The following CADPS2 variants were observed in gnomAD, a reference collection of about 807,000 sequenced individuals.
CADPS2 encodes the protein calcium-dependent secretion activator 2.
A neutral mutation model predicts 172.5 loss-of-function variants in CADPS2; 93 were observed. The observed-to-expected ratio is 0.54, with a 90% CI of 0.46 to 0.64. CADPS2 has a LOEUF of 0.64. CADPS2 is among the 30% of genes least tolerant of loss of function. The pLI, the probability that CADPS2 is intolerant of heterozygous loss-of-function variation, is 0.00. For synonymous variants in CADPS2, 546 were observed against 555.2 expected (o/e 0.98, Z 0.23); for missense variants, 1,420 against 1,565.9 (o/e 0.91, Z 1.57).
At chr7:122,741,379 T>C (rs2092466651) in intron 1 of CADPS2, among the ~76,000 whole-genome samples, 1 of 152,134 alleles carries the variant, frequency 6.6e-6, no homozygotes, top group African/African-American at 2.4e-5. Context: ...TTTTCAACAT[T>C]AGCACTTTAT....
At chr7:122,491,723 C>T (rs114436152) in intron 9 of CADPS2, among the ~76,000 whole-genome samples, 1,717 of 152,184 alleles carry the variant, frequency 0.011, 37 homozygotes, top group African/African-American at 0.039. Context: ...CGTTTGGGAT[C>T]ATTAGCCTAT....
At chr7:122,829,509 T>C (rs1805870453) in intron 1 of CADPS2, among the ~76,000 whole-genome samples, 1 of 152,156 alleles carries the variant, frequency 6.6e-6, no homozygotes, top group South Asian at 2.1e-4. Context: ...CACACTCAAA[T>C]CAACTTTTAT....
intron 1 of CADPS2, among the ~76,000 whole-genome samples, chr7:122,848,891 T>C (rs1182955382): frequency 1.3e-5 from 2 of 149,556 alleles, no homozygotes. Flanking sequence ...AAAGCTATCT[T>C]TCTGAAGACT....
intron 2 of CADPS2, among the ~76,000 whole-genome samples, chr7:122,711,867 G>T (rs1432060577): frequency 2.0e-5 from 3 of 150,940 alleles, no homozygotes; most frequent in African/African-American, 7.3e-5. Flanking sequence ...TGGTCAGGCT[G>T]GTCTCGAACT....
At chr7:122,880,308 A>G (rs1391223459) in intron 1 of CADPS2, among the ~76,000 whole-genome samples, 1 of 152,044 alleles carries the variant, frequency 6.6e-6, no homozygotes, top group Non-Finnish European at 1.5e-5. Context: ...AATGAATAAA[A>G]GACAGTACTG....
At chr7:122,725,002 G>A (rs1281485240) in intron 2 of CADPS2, among the ~76,000 whole-genome samples, 1 of 151,990 alleles carries the variant, frequency 6.6e-6, no homozygotes, top group African/African-American at 2.4e-5. Flanking sequence ...GTGTTTCTAT[G>A]ACAACTCATT....
intron 1 of CADPS2, among the ~76,000 whole-genome samples, chr7:122,878,466 C>T (rs1395197417): frequency 6.6e-6 from 1 of 151,596 alleles, no homozygotes; most frequent in Non-Finnish European, 1.5e-5. Context: ...TGGTGAAACC[C>T]CGTCTCTACT....
intron 2 of CADPS2, among the ~76,000 whole-genome samples, chr7:122,700,370 G>C (rs1006990008): frequency 2.0e-5 from 3 of 152,068 alleles, no homozygotes; most frequent in Admixed American, 6.5e-5. Flanking sequence ...ACAAAAACTA[G>C]TATAAAAAGA....
intron 8 of CADPS2, among the ~76,000 whole-genome samples, chr7:122,530,835 C>G (rs1378121435): frequency 6.6e-6 from 1 of 152,082 alleles, no homozygotes; most frequent in Non-Finnish European, 1.5e-5. Flanking sequence ...CTCTTTTATA[C>G]GGAGGAGATG....
chr7:122,368,522 A>C (rs963264238), intron 25 of CADPS2, among the ~76,000 whole-genome samples: 2 of 152,114 alleles, frequency 1.3e-5, no homozygotes, highest in Non-Finnish European at 2.9e-5. Context: ...TGGACTGGTG[A>C]CTAGTCCTGC....
intron 1 of CADPS2, among the ~76,000 whole-genome samples, chr7:122,827,396 C>CTTTTGGG: frequency 2.0e-5 from 1 of 49,564 alleles, no homozygotes; most frequent in Non-Finnish European, 3.8e-5. Context: ...GTGGCTCACA[C>CTTTTGGG]ATGTAATCCC....
At chr7:122,845,217 G>A (rs1416398678) in intron 1 of CADPS2, among the ~76,000 whole-genome samples, 1 of 152,140 alleles carries the variant, frequency 6.6e-6, no homozygotes. Context: ...TCAGCAAATT[G>A]CCCCCACCCA....
At chr7:122,698,133 G>C in intron 2 of CADPS2, 1 of 1,613,818 alleles carries the variant, frequency 6.2e-7, no homozygotes, top group Non-Finnish European at 8.5e-7. Context: ...TAGGCTTATA[G>C]CGTTCAAAGC....
chr7:122,469,044 GC>G (rs1406758405), intron 14 of CADPS2, among the ~76,000 whole-genome samples: 1 of 152,144 alleles, frequency 6.6e-6, no homozygotes, highest in African/African-American at 2.4e-5. Context: ...GATAATATAT[GC>G]ATGAACATAT....
chr7:122,457,399 T>A (rs1214280815), intron 14 of CADPS2, among the ~76,000 whole-genome samples: 3 of 152,232 alleles, frequency 2.0e-5, no homozygotes, highest in Admixed American at 6.5e-5. Flanking sequence ...AATTTTGACA[T>A]GTTTAATATC....
chr7:122,701,507 G>A (rs1219285832), intron 2 of CADPS2, among the ~76,000 whole-genome samples: 1 of 152,038 alleles, frequency 6.6e-6, no homozygotes, highest in African/African-American at 2.4e-5. Context: ...GAGTTACTGG[G>A]TGCAGCACAC....
At position 122,655,913 on chromosome 7, in the gene CADPS2, G is replaced by A. The variant is rs114709786; in HGVS notation, c.786+7324C>T. On this transcript the variant is annotated intron_variant, in intron 3 of 29. Transcript: ENST00000449022. ...TTTAGTTCAGACATATAAAGAGCTT[G>A]GAAGTCATCACTCCCATCCTCAGAA... Among the ~76,000 whole-genome samples, 592 of 152,208 alleles carry A rather than the reference G, an allele frequency of 3.9e-3. 4 individuals are homozygous for A. The highest frequency in any genetic ancestry group is 0.013 in the African/African-American group (559 of 41,548).
chr7:122,844,908 A>G (rs949160911), intron 1 of CADPS2, among the ~76,000 whole-genome samples: 1 of 151,908 alleles, frequency 6.6e-6, no homozygotes, highest in Non-Finnish European at 1.5e-5. Flanking sequence ...AAAAAGGTAA[A>G]AAAAAAAAAT....
intron 3 of CADPS2, among the ~76,000 whole-genome samples, chr7:122,637,170 G>C (rs1227326037): frequency 1.7e-5 from 1 of 57,798 alleles, no homozygotes; most frequent in African/African-American, 6.5e-5. Flanking sequence ...ATGAAATTTT[G>C]CTTTTTTTTT....
Sources: gnomAD v4.1 joint callset for allele counts (sites outside exome capture counted in the v4.1 genomes callset) on GRCh38, gnomAD v4.1.1 for gene constraint, MANE v1.5 for transcripts, NCBI Gene and HGNC (gene_info 2026-07-23, HGNC 2026-07-21) for gene names.